Variants in QTMAN observed in about 807,000 individuals in gnomAD.
QTMAN encodes queuosine-tRNA mannosyltransferase.
chr2:144,242,395 A>C, the QTMAN span, among the ~76,000 whole-genome samples: 1 of 152,136 alleles, frequency 6.6e-6, no homozygotes, highest in Non-Finnish European at 1.5e-5. Context: ...TGGGCTATTC[A>C]TATCCATTAC....
chr2:144,317,431 A>AAGGAAGGG, the QTMAN span: 235 of 151,682 alleles, frequency 1.5e-3, 1 homozygote, highest in Non-Finnish European at 2.9e-3. Context: ...GGAAGGAAGG[A>AAGGAAGGG]AGGGACAATA....
At chr2:143,997,750 G>A in the QTMAN span, among the ~76,000 whole-genome samples, 4 of 152,128 alleles carry the variant, frequency 2.6e-5, no homozygotes, top group Non-Finnish European at 5.9e-5. Context: ...CCACTGTCAT[G>A]TGCATATAAG....
At chr2:144,007,363 G>C in the QTMAN span, 1 of 1,613,120 alleles carries the variant, frequency 6.2e-7, no homozygotes, top group Non-Finnish European at 8.5e-7. Flanking sequence ...TATTCTTGTC[G>C]TGCAGTATCA....
the QTMAN span, among the ~76,000 whole-genome samples, chr2:144,202,646 C>T: frequency 6.6e-6 from 1 of 152,080 alleles, no homozygotes; most frequent in African/African-American, 2.4e-5. Flanking sequence ...ATTTTCCATT[C>T]CATTCATTAA....
chr2:144,070,693 C>G, the QTMAN span, among the ~76,000 whole-genome samples: 1 of 152,086 alleles, frequency 6.6e-6, no homozygotes. Context: ...GTTAGATAAT[C>G]AATGTATTAA....
At chr2:144,265,183 C>G in the QTMAN span, among the ~76,000 whole-genome samples, 6 of 152,286 alleles carry the variant, frequency 3.9e-5, no homozygotes, top group African/African-American at 1.4e-4. Flanking sequence ...CAGACCCACT[C>G]CCAGTGGGCT....
At chr2:144,133,143 A>ATT in the QTMAN span, among the ~76,000 whole-genome samples, 5 of 62,598 alleles carry the variant, frequency 8.0e-5, no homozygotes, top group African/African-American at 2.8e-4. Flanking sequence ...ATATATATAT[A>ATT]TATATATAAT....
chr2:143,984,348 G>A, the QTMAN span, among the ~76,000 whole-genome samples: 1 of 152,214 alleles, frequency 6.6e-6, no homozygotes, highest in African/African-American at 2.4e-5. Context: ...TAGATGTGCA[G>A]GTGGAAGTGG....
the QTMAN span, among the ~76,000 whole-genome samples, chr2:143,960,993 G>T: frequency 2.6e-5 from 4 of 152,052 alleles, no homozygotes; most frequent in Non-Finnish European, 5.9e-5. Flanking sequence ...ATCTTCTTTG[G>T]AATGACTTTA....
the QTMAN span, among the ~76,000 whole-genome samples, chr2:144,093,293 C>A: frequency 6.6e-6 from 1 of 152,244 alleles, no homozygotes; most frequent in Non-Finnish European, 1.5e-5. Flanking sequence ...CACAAATACT[C>A]TTGACATGAA....
the QTMAN span, among the ~76,000 whole-genome samples, chr2:144,218,939 C>CAAAAAAAAAAAAAAAAA: frequency 5.8e-5 from 6 of 104,238 alleles, no homozygotes; most frequent in Admixed American, 9.2e-5. Context: ...AAAAAAAAAG[C>CAAAAAAAAAAAAAAAAA]AAAATCCTAG....
At chr2:144,080,459 A>T in the QTMAN span, among the ~76,000 whole-genome samples, 2 of 152,138 alleles carry the variant, frequency 1.3e-5, no homozygotes, top group African/African-American at 4.8e-5. Flanking sequence ...TATTACCTGG[A>T]GCTTCAGCAA....
At chr2:144,173,432 G>A in the QTMAN span, among the ~76,000 whole-genome samples, 1 of 152,188 alleles carries the variant, frequency 6.6e-6, no homozygotes, top group Non-Finnish European at 1.5e-5. Flanking sequence ...AGACATATTG[G>A]AAAGGTTCAC....
At chr2:144,099,836 AT>A in the QTMAN span, among the ~76,000 whole-genome samples, 1 of 152,304 alleles carries the variant, frequency 6.6e-6, no homozygotes, top group South Asian at 2.1e-4. Context: ...TACCAGAAAC[AT>A]TTCTGCCTCA....
chr2:144,063,568 A>T, the QTMAN span, among the ~76,000 whole-genome samples: 1 of 152,322 alleles, frequency 6.6e-6, no homozygotes, highest in South Asian at 2.1e-4. Flanking sequence ...TGTTGCTTAA[A>T]AAATTGTTTC....
chr2:144,324,504 G>T, the QTMAN span, among the ~76,000 whole-genome samples: 1 of 152,106 alleles, frequency 6.6e-6, no homozygotes, highest in East Asian at 1.9e-4. Flanking sequence ...CTAACTCCCC[G>T]CAAAGGCTTG....
chr2:144,159,876 T>C, the QTMAN span, among the ~76,000 whole-genome samples: 1 of 152,230 alleles, frequency 6.6e-6, no homozygotes, highest in East Asian at 1.9e-4. Context: ...GGACCTTGAA[T>C]GCAAGGCTTA....
At chr2:144,105,394 T>A in the QTMAN span, among the ~76,000 whole-genome samples, 1 of 152,114 alleles carries the variant, frequency 6.6e-6, no homozygotes, top group Non-Finnish European at 1.5e-5. Context: ...ATAACCAGTG[T>A]AGAGAAGTCC....
chr2:144,293,491 A>C, the QTMAN span, among the ~76,000 whole-genome samples: 1 of 152,334 alleles, frequency 6.6e-6, no homozygotes, highest in South Asian at 2.1e-4. Flanking sequence ...CAGTAACAAG[A>C]TCACACTAAT....
Sources: gnomAD v4.1 joint callset for allele counts (sites outside exome capture counted in the v4.1 genomes callset) on GRCh38, gnomAD v4.1.1 for gene constraint, MANE v1.5 for transcripts, NCBI Gene and HGNC (gene_info 2026-07-23, HGNC 2026-07-21) for gene names.